The following UGT1A7 variants were observed in gnomAD, a reference collection of about 807,000 sequenced individuals.
UGT1A7 encodes UDP-glucuronosyltransferase 1A7.
A neutral mutation model predicts 45.6 loss-of-function variants in UGT1A7; 33 were observed. The observed-to-expected ratio is 0.72, with a 90% confidence interval of 0.55 to 0.97. The LOEUF is 0.97. UGT1A7 is among the 50% of genes least tolerant of loss of function. UGT1A7 has a pLI of 0.00. For synonymous variants in UGT1A7, 274 were observed against 250.6 expected (o/e 1.09, Z -0.88); for missense variants, 684 against 666.2 (o/e 1.03, Z -0.29).
chr2:233,682,065 C>T lies in UGT1A7; in HGVS notation c.128C>T (p.Ser43Leu), dbSNP rs1307914896. 6.2e-7 allele frequency: 1 copy of T among 1,613,818 alleles called. No homozygotes were observed. Among genetic ancestry groups the T allele is most frequent in the Non-Finnish European group, 8.5e-7 (1 of 1,179,998 alleles). ...GGGAGCCACTGGTTCACCATGCAGT[C>T]GGTGGTGGAGAAACTCATCCTCAGG... Reference protein sequence around the residue: ...MDGSHWFTMQSVVEKLILRGH... With the variant: ...MDGSHWFTMQLVVEKLILRGH... Residue 43 changes from serine (S) to leucine (L), a missense_variant, in exon 1 of 5, where the codon TCG becomes TTG. Coordinates refer to ENST00000373426, the MANE Select transcript of UGT1A7 (RefSeq NM_019077.3).
At chr2:233,764,255 A>G (rs1306141437) in intron 1 of UGT1A7, among the ~76,000 whole-genome samples, 1 of 152,114 alleles carries the variant, frequency 6.6e-6, no homozygotes, top group Non-Finnish European at 1.5e-5. Context: ...TTCAGTTAAT[A>G]TGTTGCTTCA....
intron 1 of UGT1A7, chr2:233,753,227 G>C (rs1159268565): frequency 6.6e-6 from 1 of 152,106 alleles, no homozygotes; most frequent in Non-Finnish European, 1.5e-5. Flanking sequence ...GATACTTCTT[G>C]TATAGTTATT....
chr2:233,684,715 A>G (rs2074695143), intron 1 of UGT1A7, among the ~76,000 whole-genome samples: 1 of 151,992 alleles, frequency 6.6e-6, no homozygotes, highest in East Asian at 1.9e-4. Flanking sequence ...ATTAATGTAT[A>G]TATTTATAAA....
intron 1 of UGT1A7, chr2:233,747,303 G>T (rs1693616830): frequency 2.5e-6 from 4 of 1,602,128 alleles, no homozygotes; most frequent in Non-Finnish European, 2.6e-6. Context: ...AGAGTGGGAA[G>T]GTGCTGGTGG....
intron 1 of UGT1A7, among the ~76,000 whole-genome samples, chr2:233,704,424 T>C (rs536183058): frequency 6.6e-6 from 1 of 152,286 alleles, no homozygotes; most frequent in South Asian, 2.1e-4. Flanking sequence ...CCAACTTAAT[T>C]CCAGTTAAAT....
chr2:233,691,772 C>T (rs2075056537), intron 1 of UGT1A7: 2 of 348,666 alleles, frequency 5.7e-6, no homozygotes, highest in Non-Finnish European at 8.1e-6. Context: ...CTAGGATTCT[C>T]ACCACGTACT....
At chr2:233,685,445 C>A (rs1384773104) in intron 1 of UGT1A7, among the ~76,000 whole-genome samples, 2 of 152,212 alleles carry the variant, frequency 1.3e-5, no homozygotes, top group African/African-American at 4.8e-5. Flanking sequence ...CGAGCTGAAT[C>A]TACACCATCT....
At chr2:233,741,120 A>G (rs947867994) in intron 1 of UGT1A7, among the ~76,000 whole-genome samples, 1 of 151,760 alleles carries the variant, frequency 6.6e-6, no homozygotes, top group Non-Finnish European at 1.5e-5. Flanking sequence ...TTACACTTCT[A>G]TAAAAGCAAC....
In UGT1A7 at chr2:233,743,774, T is replaced by G. The variant is rs370785747; in HGVS notation, c.856-23260T>G. On this transcript the variant is annotated intron_variant, in intron 1 of 4. Transcript: ENST00000373426. ...CAACACCTCGTAGGCCTCGGCCACC[T>G]GCTTGAATCTCCTCTCCGCTTCCTC... 2.2e-6 allele frequency: 3 copies of G among 1,367,230 alleles called. No homozygotes were observed. The African/African-American group carries it at 4.4e-5, about 20-fold the overall frequency. 84.7% of individuals were successfully genotyped at this position (1,367,230 alleles called of 1,614,324 possible).
intron 1 of UGT1A7, among the ~76,000 whole-genome samples, chr2:233,709,576 A>C (rs180747204): frequency 4.7e-4 from 71 of 152,336 alleles, no homozygotes; most frequent in Admixed American, 1.4e-3. Context: ...TAAAATTCAA[A>C]AAATATACCA....
At chr2:233,739,348 G>A (rs1455435875) in intron 1 of UGT1A7, among the ~76,000 whole-genome samples, 7 of 152,152 alleles carry the variant, frequency 4.6e-5, no homozygotes, top group Admixed American at 4.6e-4. Context: ...GAACCCAGAA[G>A]GGCAGATCCA....
intron 1 of UGT1A7, chr2:233,718,931 T>C (rs1174557586): frequency 1.9e-6 from 3 of 1,614,130 alleles, no homozygotes; most frequent in Admixed American, 1.7e-5. Context: ...TGCCCACTGA[T>C]GGCAGCCCCT....
intron 1 of UGT1A7, chr2:233,747,358 G>A (rs1172361388): frequency 8.7e-6 from 14 of 1,603,108 alleles, no homozygotes; most frequent in Middle Eastern, 1.7e-4. Flanking sequence ...GAGGCCGTGC[G>A]GGAGCTCCAT....
chr2:233,688,222 A>G (rs1197444808), intron 1 of UGT1A7, among the ~76,000 whole-genome samples: 1 of 152,228 alleles, frequency 6.6e-6, no homozygotes, highest in East Asian at 1.9e-4. Context: ...TGGCTTATCC[A>G]TGTTGTAGCA....
At position 233,773,233 on chromosome 2, in the gene UGT1A7, G is replaced by A. The variant is rs1473113676; in HGVS notation, c.*674G>A. 1 of 152,016 alleles carries A rather than the reference G, an allele frequency of 6.6e-6. No homozygotes were observed. The highest frequency in any genetic ancestry group is 1.5e-5 in the Non-Finnish European group (1 of 67,958). The allele number at this position is 152,016 out of a possible 1,614,324, so 9.4% of individuals were successfully genotyped here. ...CCCAAAATACAGCTATGAAGTGCTGGGCAAGTTTACTTTTTTTCTGATGTT... is the reference window on the plus strand; with the variant it reads ...CCCAAAATACAGCTATGAAGTGCTGAGCAAGTTTACTTTTTTTCTGATGTT... On this transcript the variant is annotated 3_prime_UTR_variant, in exon 5 of 5. Transcript: ENST00000373426.
chr2:233,736,282 T>A lies in UGT1A7; in HGVS notation c.856-30752T>A, dbSNP rs1290263740. ...ATTTGATCTTCAGTCACTGATACCC[T>A]TTCTTCCAGTTGCTCTAATCAGCTA... On this transcript the variant is annotated intron_variant, in intron 1 of 4. Coordinates refer to ENST00000373426, the MANE Select transcript of UGT1A7 (RefSeq NM_019077.3). Among the ~76,000 whole-genome samples the A allele has an allele frequency of 2.6e-5, 4 of 152,226 alleles. No individual in the cohort carries two copies. The East Asian group carries it at 7.7e-4, about 29-fold the overall frequency.
chr2:233,688,919 A>C (rs926541519), intron 1 of UGT1A7, among the ~76,000 whole-genome samples: 4 of 152,204 alleles, frequency 2.6e-5, no homozygotes, highest in Non-Finnish European at 4.4e-5. Context: ...TGTGCCAAGC[A>C]GGGAAGATGG....
At chr2:233,736,111 A>G (rs1342253257) in intron 1 of UGT1A7, among the ~76,000 whole-genome samples, 1 of 152,176 alleles carries the variant, frequency 6.6e-6, no homozygotes, top group East Asian at 1.9e-4. Flanking sequence ...GTGTTTTCCA[A>G]CTTGTTTCCA....
chr2:233,747,777 A>T (rs1038765158), intron 1 of UGT1A7: 20 of 1,613,544 alleles, frequency 1.2e-5, no homozygotes, highest in Non-Finnish European at 1.3e-5. Context: ...ACAGTGTCCA[A>T]ATCCTTCCTC....
Sources: allele counts gnomAD v4.1 joint callset (sites outside exome capture counted in the v4.1 genomes callset), GRCh38; gene constraint gnomAD v4.1.1; transcripts MANE v1.5; gene names NCBI Gene and HGNC (gene_info 2026-07-23, HGNC 2026-07-21).